The following MXRA7 variants were observed in gnomAD, a reference collection of about 807,000 sequenced individuals.
MXRA7 encodes matrix remodeling associated 7, also known as matrix-remodeling-associated protein 7.
Under a neutral mutation model 17.4 loss-of-function variants are expected in MXRA7, and 18 were observed. The observed-to-expected ratio is 1.03, with a 90% confidence interval of 0.71 to 1.53. MXRA7 has a LOEUF of 1.53. Among genes scored for constraint, MXRA7 ranks in the 40% most tolerant of loss-of-function variants. The probability of loss-of-function intolerance (pLI) is 0.00; values close to 1 mark genes in which losing one functional copy is unlikely to be tolerated. For missense variants in MXRA7, 141 were observed against 209.3 expected (o/e 0.67, Z 2.01); for synonymous variants, 70 against 101.7 (o/e 0.69, Z 1.87).
intron 1 of MXRA7, among the ~76,000 whole-genome samples, chr17:76,700,915 G>A (rs1381854923): frequency 3.3e-5 from 5 of 152,112 alleles, no homozygotes; most frequent in Admixed American, 2.0e-4. Flanking sequence ...GGCTCAGGCA[G>A]GGAGGGGTGT....
chr17:76,696,549 C>T (rs1359120372), intron 1 of MXRA7, among the ~76,000 whole-genome samples: 2 of 151,904 alleles, frequency 1.3e-5, no homozygotes, highest in Non-Finnish European at 2.9e-5. Context: ...AAAAAATAAA[C>T]AGGTGTCAAT....
At chr17:76,696,786 G>A (rs1046515574) in intron 1 of MXRA7, among the ~76,000 whole-genome samples, 1 of 152,172 alleles carries the variant, frequency 6.6e-6, no homozygotes, top group African/African-American at 2.4e-5. Context: ...GCCAGCCAAA[G>A]GCAATCTCTC....
intron 1 of MXRA7, among the ~76,000 whole-genome samples, chr17:76,706,472 G>C (rs2076663327): frequency 6.6e-6 from 1 of 152,208 alleles, no homozygotes; most frequent in Non-Finnish European, 1.5e-5. Flanking sequence ...CCATCAAAAA[G>C]GACCACACTG....
In MXRA7 at chr17:76,701,685, G is replaced by A. The variant is rs1227940884; in HGVS notation, c.342+8920C>T. Among the ~76,000 whole-genome samples the A allele has an allele frequency of 4.6e-5, 7 of 152,196 alleles. No individual in the cohort carries two copies. The East Asian group carries it at 1.4e-3, about 29-fold the overall frequency. On this transcript the variant is annotated intron_variant, in intron 1 of 3. Coordinates refer to ENST00000449428, the MANE Select transcript of MXRA7 (RefSeq NM_198530.4). ...ACAAGGAGGGAGTATGTTGTGGGTG[G>A]GGGGTGTCTGGGGAGAGACAGGATC...
Position 76,704,747 on chromosome 17 carries a change from T to C in MXRA7, c.342+5858A>G, listed in dbSNP as rs543513608. Reference sequence around the variant, plus strand: ...TTGCAGTGAGCTGAGATTGCGCCACTGCACTCCTGGGCGACAAGAGCAAAA... The same window carrying C: ...TTGCAGTGAGCTGAGATTGCGCCACCGCACTCCTGGGCGACAAGAGCAAAA... On this transcript the variant is annotated intron_variant, in intron 1 of 3. Transcript: ENST00000449428. Among the ~76,000 whole-genome samples the C allele has an allele frequency of 7.3e-5, 10 of 137,804 alleles. No individual in the cohort carries two copies. The East Asian group carries it at 1.3e-3, about 18-fold the overall frequency. The allele number at this position is 137,804 out of a possible 152,430, so 90.4% of individuals were successfully genotyped here. A position where few individuals can be genotyped will look rare whatever the true frequency, so the allele number is the denominator to read the frequency against.
At chr17:76,675,581 G>A (rs1598328080), downstream of MXRA7, 1 of 152,074 alleles carries the variant, frequency 6.6e-6, no homozygotes, top group Non-Finnish European at 1.5e-5. Context: ...TTGTAGTAGA[G>A]ACAGGGTTTT....
chr17:76,690,398 T>C (rs1369446059), intron 1 of MXRA7, among the ~76,000 whole-genome samples: 1 of 152,040 alleles, frequency 6.6e-6, no homozygotes, highest in East Asian at 1.9e-4. Context: ...TATTTTCTTA[T>C]ATATTCTAAA....
intron 1 of MXRA7, among the ~76,000 whole-genome samples, chr17:76,703,424 C>A (rs776386920): frequency 1.3e-5 from 2 of 151,996 alleles, no homozygotes; most frequent in Non-Finnish European, 2.9e-5. Flanking sequence ...CAGTTTGAGA[C>A]CAACCTGCAA....
intron 2 of MXRA7, among the ~76,000 whole-genome samples, chr17:76,686,446 C>T (rs2076398757): frequency 6.6e-6 from 1 of 152,168 alleles, no homozygotes; most frequent in Non-Finnish European, 1.5e-5. Context: ...CGCCACTGTA[C>T]TCCAGCCTGG....
In MXRA7 at chr17:76,709,842, G is replaced by A. The variant is rs966571608; in HGVS notation, c.342+763C>T. ...CAGGCAGGACAAGGTGGCCAAGGCC[G>A]AGCTGATGGACAGCATGGCGGGAGG... On this transcript the variant is annotated intron_variant, in intron 1 of 3. Coordinates refer to ENST00000449428, the MANE Select transcript of MXRA7 (RefSeq NM_198530.4). 14 of 152,902 alleles carry A rather than the reference G, an allele frequency of 9.2e-5. No individual in the cohort carries two copies. The East Asian group carries it at 2.1e-3, about 23-fold the overall frequency. 9.5% of individuals were successfully genotyped at this position (152,902 alleles called of 1,614,324 possible). A position where few individuals can be genotyped will look rare whatever the true frequency, so the allele number is the denominator to read the frequency against.
chr17:76,676,325 G>T (rs10473), downstream of MXRA7: 27,950 of 152,128 alleles, frequency 0.18, 3,279 homozygotes, highest in East Asian at 0.52. Flanking sequence ...ATACAATTAG[G>T]CAAGTACTCA....
In MXRA7 at chr17:76,706,168, C is replaced by CTGTCACAGAGGCCCA. The variant is rs2076653715; in HGVS notation, c.342+4436_342+4437insTGGGCCTCTGTGACA. On this transcript the variant is annotated intron_variant, in intron 1 of 3. Transcript: ENST00000449428. Reference sequence around the variant, plus strand: ...ACTGCCGTCACAGAGGCCCACGCTGCCGTCACAGAGGCCCACGCTGCCATC... The same window carrying CTGTCACAGAGGCCCA: ...ACTGCCGTCACAGAGGCCCACGCTGCTGTCACAGAGGCCCACGTCACAGAGGCCCACGCTGCCATC... Among the ~76,000 whole-genome samples the CTGTCACAGAGGCCCA allele has an allele frequency of 3.3e-5, 5 of 150,894 alleles. No homozygotes were observed. In the South Asian group the frequency reaches 8.4e-4, roughly 25 times the overall value.
chr17:76,702,834 A>G (rs1384578275), intron 1 of MXRA7, among the ~76,000 whole-genome samples: 1 of 67,546 alleles, frequency 1.5e-5, no homozygotes, highest in Non-Finnish European at 3.6e-5. Flanking sequence ...CCAGGGTGAC[A>G]GAGCGAGACT....
chr17:76,710,590 G>T lies in MXRA7; in HGVS notation c.342+15C>A, dbSNP rs948746857. ...CCGGGGGTGGGGAGGGGGCCGCGAG[G>T]GCCCCGGTGCGTACCTGCCTCGCCT... On this transcript the variant is annotated intron_variant, in intron 1 of 3. Transcript: ENST00000449428. The T allele has an allele frequency of 5.3e-6, 7 of 1,312,178 alleles. No homozygotes were observed. Among genetic ancestry groups the T allele is most frequent in the Non-Finnish European group, 6.8e-6 (7 of 1,030,532 alleles). The allele number at this position is 1,312,178 out of a possible 1,614,324, so 81.3% of individuals were successfully genotyped here.
At chr17:76,690,220 T>C (rs2076464659) in intron 1 of MXRA7, 1 of 152,124 alleles carries the variant, frequency 6.6e-6, no homozygotes, top group Non-Finnish European at 1.5e-5. Context: ...CTGTCAGCAG[T>C]GGCTACCTCT....
chr17:76,702,873 G>GTATATATATATATATATATACACA (rs776480689), intron 1 of MXRA7, among the ~76,000 whole-genome samples: 24 of 141,760 alleles, frequency 1.7e-4, no homozygotes, highest in African/African-American at 6.4e-4. Flanking sequence ...ATATATATAC[G>GTATATATATATATATATATACACA]TATATATATA....
Position 76,710,963 on chromosome 17 carries a change from A to G in MXRA7, c.-17T>C. ...CGCCTCCATCGCGCCGCGGCCGCCG[A>G]GTGCGGGCCAGCTGGGACCCCGAGG... On this transcript the variant is annotated 5_prime_UTR_variant, in exon 1 of 4. Coordinates refer to ENST00000449428, the MANE Select transcript of MXRA7 (RefSeq NM_198530.4). 2 of 987,574 alleles carry G rather than the reference A, an allele frequency of 2.0e-6. No homozygotes were observed. Among genetic ancestry groups the G allele is most frequent in the South Asian group, 4.5e-5 (1 of 22,196 alleles). The allele number at this position is 987,574 out of a possible 1,614,324, so 61.2% of individuals were successfully genotyped here.
intron 1 of MXRA7, among the ~76,000 whole-genome samples, chr17:76,695,266 T>G (rs943048526): frequency 2.6e-5 from 4 of 152,058 alleles, no homozygotes; most frequent in Admixed American, 2.6e-4. Flanking sequence ...AAGTGCTGAC[T>G]CCAGTAGTAA....
At chr17:76,675,585 G>A (rs961015806), downstream of MXRA7, 44 of 152,184 alleles carry the variant, frequency 2.9e-4, no homozygotes, top group African/African-American at 1.1e-3. Flanking sequence ...AGTAGAGACA[G>A]GGTTTTGCCA....
Sources: gnomAD v4.1 joint callset for allele counts (sites outside exome capture counted in the v4.1 genomes callset) on GRCh38, gnomAD v4.1.1 for gene constraint, MANE v1.5 for transcripts, NCBI Gene and HGNC (gene_info 2026-07-23, HGNC 2026-07-21) for gene names.